MDGA2: variants seen among roughly 807,000 people sequenced by gnomAD.
MDGA2 encodes MAM domain-containing glycosylphosphatidylinositol anchor protein 2.
A neutral mutation model predicts 117.8 loss-of-function variants in MDGA2; 40 were observed. The observed-to-expected ratio is 0.34, with a 90% CI of 0.26 to 0.44. The LOEUF is 0.44. Among genes scored for constraint, MDGA2 ranks in the 20% least tolerant of loss-of-function variants. The pLI, the probability that MDGA2 is intolerant of heterozygous loss-of-function variation, is 1.00. For missense variants in MDGA2, 1,123 were observed against 1,250.6 expected, an observed-to-expected ratio of 0.90 and a Z score of 1.54; for synonymous variants, 452 against 439.0, an observed-to-expected ratio of 1.03 and a Z score of -0.37.
intron 3 of MDGA2, among the ~76,000 whole-genome samples, chr14:47,169,121 A>C (rs895997314): frequency 6.6e-6 from 1 of 151,978 alleles, no homozygotes; most frequent in Non-Finnish European, 1.5e-5. Flanking sequence ...CCAAATGGGC[A>C]TGGTAAGGTG....
intron 11 of MDGA2, among the ~76,000 whole-genome samples, 154 bp downstream of exon 11, chr14:46,881,890 T>G (rs1255508429): frequency 6.6e-6 from 1 of 152,066 alleles, no homozygotes; most frequent in Admixed American, 6.6e-5. Flanking sequence ...TTAAGGTTTT[T>G]GTTTTTGTTT....
At chr14:46,876,849 A>T (rs144946380) in intron 12 of MDGA2, among the ~76,000 whole-genome samples, 37 of 151,824 alleles carry the variant, frequency 2.4e-4, no homozygotes, top group African/African-American at 8.4e-4. Context: ...TCTTCATAGT[A>T]AATCCTCTGT....
At chr14:47,393,042 G>A (rs1224485073) in intron 1 of MDGA2, among the ~76,000 whole-genome samples, 3 of 151,380 alleles carry the variant, frequency 2.0e-5, no homozygotes, top group African/African-American at 7.3e-5. Flanking sequence ...AAACTAAAGT[G>A]TTTGTTAGAT....
intron 3 of MDGA2, among the ~76,000 whole-genome samples, chr14:47,154,948 G>A (rs2139245157): frequency 6.6e-6 from 1 of 152,298 alleles, no homozygotes; most frequent in East Asian, 1.9e-4. Flanking sequence ...GGTTGCCCAT[G>A]GCTGCCCATG....
In MDGA2 at chr14:47,554,064, A is replaced by C. The variant is rs562583989; in HGVS notation, c.280+120453T>G. 2.6e-5 allele frequency among the ~76,000 whole-genome samples: 4 copies of C among 152,322 alleles called. No homozygotes were observed. The South Asian group carries it at 8.3e-4, about 32-fold the overall frequency. On this transcript the variant is annotated intron_variant, in intron 1 of 16. Coordinates refer to ENST00000399232, the MANE Select transcript of MDGA2 (RefSeq NM_001113498.3). Reference sequence around the variant, plus strand: ...TCTTTCAATGAATGTTCAGTTGCTGAAATCACTCTCCATTATGGAAGAGCA... The same window carrying C: ...TCTTTCAATGAATGTTCAGTTGCTGCAATCACTCTCCATTATGGAAGAGCA...
chr14:47,599,221 G>A (rs555057813), intron 1 of MDGA2, among the ~76,000 whole-genome samples: 2 of 151,820 alleles, frequency 1.3e-5, no homozygotes, highest in Middle Eastern at 3.4e-3. Context: ...AACTTAAAAC[G>A]AATCTGTTAA....
At chr14:47,299,788 C>T (rs571267986) in intron 2 of MDGA2, among the ~76,000 whole-genome samples, 6 of 152,080 alleles carry the variant, frequency 3.9e-5, no homozygotes, top group Admixed American at 6.5e-5. Flanking sequence ...TTCTATCAAG[C>T]GTAATTATCC....
chr14:46,963,807 T>G (rs1355001740), intron 8 of MDGA2, among the ~76,000 whole-genome samples: 5 of 152,224 alleles, frequency 3.3e-5, no homozygotes, highest in African/African-American at 1.2e-4. Flanking sequence ...TCTCCAATCA[T>G]TGTTGCATCC....
At chr14:47,360,352 A>ACT (rs1891090589) in intron 1 of MDGA2, among the ~76,000 whole-genome samples, 1 of 124,224 alleles carries the variant, frequency 8.0e-6, no homozygotes, top group African/African-American at 2.9e-5. Context: ...AGTCCATCTC[A>ACT]AAAAATAAAT....
At chr14:47,258,596 A>G (rs1390545386) in intron 2 of MDGA2, among the ~76,000 whole-genome samples, 1 of 152,094 alleles carries the variant, frequency 6.6e-6, no homozygotes, top group Non-Finnish European at 1.5e-5. Context: ...GAAGTGGGAA[A>G]ATGTAGGTTT....
rs1164777092 is a variant in MDGA2, at chr14:47,675,319, AGAGGAG to A, written c.-529_-524del. On this transcript the variant is annotated 5_prime_UTR_variant, in exon 1 of 17. Coordinates refer to ENST00000399232, the MANE Select transcript of MDGA2 (RefSeq NM_001113498.3). ...GCATCGCCGAACGGGGAGAGGAGGA[AGAGGAG>A]GAGGAGGAAGAGGAGGAGGAGGAAG... Among the ~76,000 whole-genome samples the A allele has an allele frequency of 2.1e-3, 2 of 938 alleles. No individual in the cohort carries two copies. The highest frequency in any genetic ancestry group is 5.0e-3 in the Non-Finnish European group (2 of 398). 0.6% of individuals were successfully genotyped at this position (938 alleles called of 152,430 possible). A position where few individuals can be genotyped will look rare whatever the true frequency, so the allele number is the denominator to read the frequency against.
chr14:47,606,533 T>C (rs769192911), intron 1 of MDGA2, among the ~76,000 whole-genome samples: 1 of 152,200 alleles, frequency 6.6e-6, no homozygotes, highest in African/African-American at 2.4e-5. Flanking sequence ...GTAGGGGTAA[T>C]TGAGACCTGA....
chr14:47,377,499 G>A (rs910820710), intron 1 of MDGA2, among the ~76,000 whole-genome samples: 2 of 152,032 alleles, frequency 1.3e-5, no homozygotes, highest in African/African-American at 4.8e-5. Context: ...CTGGAAAATC[G>A]GGACACTCCC....
At chr14:47,440,555 C>T (rs769173031) in intron 1 of MDGA2, among the ~76,000 whole-genome samples, 4 of 152,084 alleles carry the variant, frequency 2.6e-5, no homozygotes, top group Non-Finnish European at 2.9e-5. Context: ...TTTATATAAA[C>T]GCTTTTCCAG....
chr14:47,023,198 T>TAAAAAAAAAAA (rs71985853), intron 8 of MDGA2, among the ~76,000 whole-genome samples: 5 of 102,848 alleles, frequency 4.9e-5, no homozygotes, highest in African/African-American at 1.6e-4. Flanking sequence ...TTCCCACTCG[T>TAAAAAAAAAAA]AAAAAAAAAA....
At chr14:47,527,285 A>T (rs969086721) in intron 1 of MDGA2, among the ~76,000 whole-genome samples, 1 of 152,246 alleles carries the variant, frequency 6.6e-6, no homozygotes, top group Non-Finnish European at 1.5e-5. Context: ...ATAAAACTAT[A>T]AAAAGAAACT....
chr14:47,233,100 A>G (rs1009221524), intron 2 of MDGA2, among the ~76,000 whole-genome samples: 1 of 152,184 alleles, frequency 6.6e-6, no homozygotes, highest in Non-Finnish European at 1.5e-5. Flanking sequence ...ACTTTAATAA[A>G]TAACTTTATA....
intron 3 of MDGA2, among the ~76,000 whole-genome samples, chr14:47,194,916 G>T (rs1327479953): frequency 6.6e-6 from 1 of 151,924 alleles, no homozygotes; most frequent in African/African-American, 2.4e-5. Flanking sequence ...ATAGAGACAG[G>T]ACCAAATGCA....
chr14:47,440,959 A>G (rs1892997461), intron 1 of MDGA2, among the ~76,000 whole-genome samples: 1 of 152,152 alleles, frequency 6.6e-6, no homozygotes, highest in African/African-American at 2.4e-5. Flanking sequence ...TGGGGACTGC[A>G]AATACACAGT....
Sources: gnomAD v4.1 joint callset for allele counts (sites outside exome capture counted in the v4.1 genomes callset) on GRCh38, gnomAD v4.1.1 for gene constraint, MANE v1.5 for transcripts, NCBI Gene and HGNC (gene_info 2026-07-23, HGNC 2026-07-21) for gene names.